The following CSMD1 variants were observed in gnomAD, a reference collection of about 807,000 sequenced individuals.
CSMD1 encodes CUB and sushi domain-containing protein 1.
A neutral mutation model predicts 417.5 loss-of-function variants in CSMD1; 213 were observed. The ratio of observed to expected loss-of-function variants is 0.51; its 90% confidence interval spans 0.46 to 0.57. CSMD1 has a LOEUF of 0.57. Ranked by LOEUF, CSMD1 falls within the 20% of genes least tolerant of loss-of-function variation. The probability of loss-of-function intolerance (pLI) is 0.00; values close to 1 mark genes in which losing one functional copy is unlikely to be tolerated. For synonymous variants in CSMD1, 2,862 were observed against 1,736.8 expected, an observed-to-expected ratio of 1.65 and a Z score of -16.11; for missense variants, 6,923 against 4,529.7, an observed-to-expected ratio of 1.53 and a Z score of -15.17.
At position 3,930,431 on chromosome 8, in the gene CSMD1, G is replaced by T. The variant is rs535188962; in HGVS notation, c.818+67472C>A. The stretch of plus-strand genomic sequence containing the variant: ...TGGTCCAAGCAAGCATTAGGTCAAA[G>T]CCTGTTCTTCTTCCTTATTTGAAGG... On this transcript the variant is annotated intron_variant, in intron 5 of 69. Transcript: ENST00000635120. Among the ~76,000 whole-genome samples the T allele has an allele frequency of 2.7e-5, 4 of 150,752 alleles. No individual in the cohort carries two copies. In the South Asian group the frequency reaches 8.5e-4, roughly 32 times the overall value.
At chr8:4,104,454 G>C (rs1011724610) in intron 3 of CSMD1, among the ~76,000 whole-genome samples, 3 of 147,488 alleles carry the variant, frequency 2.0e-5, no homozygotes, top group Admixed American at 6.7e-5. Context: ...ACACACACAG[G>C]ATATGTGCAC....
chr8:3,736,001 T>C (rs1224144820), intron 6 of CSMD1, among the ~76,000 whole-genome samples: 4 of 151,784 alleles, frequency 2.6e-5, no homozygotes, highest in Non-Finnish European at 4.4e-5. Context: ...TGGGAATAAG[T>C]GCGGTGGATT....
Position 4,611,504 on chromosome 8 carries a change from T to A in CSMD1, c.302+25838A>T, listed in dbSNP as rs117865652. On this transcript the variant is annotated intron_variant, in intron 2 of 69. Transcript: ENST00000635120. ...TCAAATTGCCTAGATATAAAACTTG[T>A]GGATAAAACTATCGCAATTTATTAA... 1.7e-3 allele frequency among the ~76,000 whole-genome samples: 259 copies of A among 152,284 alleles called. 4 individuals carry two copies. In the East Asian group the frequency reaches 0.042, roughly 25 times the overall value.
intron 26 of CSMD1, among the ~76,000 whole-genome samples, chr8:3,261,386 G>C (rs562323737): frequency 6.6e-6 from 1 of 152,278 alleles, no homozygotes; most frequent in African/African-American, 2.4e-5. Flanking sequence ...ACGTTCCCAT[G>C]ATAAAGATAA....
intron 3 of CSMD1, among the ~76,000 whole-genome samples, chr8:4,213,751 G>C (rs1175524217): frequency 6.6e-6 from 1 of 152,200 alleles, no homozygotes; most frequent in African/African-American, 2.4e-5. Context: ...GTAGAACATG[G>C]CTGAGATGGG....
chr8:3,928,431 C>A (rs1231685860), intron 5 of CSMD1, among the ~76,000 whole-genome samples: 3 of 152,146 alleles, frequency 2.0e-5, no homozygotes, highest in African/African-American at 7.2e-5. Flanking sequence ...CCTAACTTTT[C>A]AAAAACCAGT....
At chr8:4,181,396 G>T (rs747211339) in intron 3 of CSMD1, among the ~76,000 whole-genome samples, 49 of 151,650 alleles carry the variant, frequency 3.2e-4, no homozygotes, top group African/African-American at 1.2e-3. Context: ...AAACTATAAG[G>T]CAGGGTTCTC....
At chr8:3,368,140 T>C (rs1191354026) in intron 19 of CSMD1, among the ~76,000 whole-genome samples, 1 of 152,198 alleles carries the variant, frequency 6.6e-6, no homozygotes, top group Non-Finnish European at 1.5e-5. Context: ...TTATAAAACT[T>C]TGATCACTCA....
chr8:4,229,347 C>G (rs1173290311), intron 3 of CSMD1, among the ~76,000 whole-genome samples: 13 of 152,208 alleles, frequency 8.5e-5, no homozygotes. Flanking sequence ...TCTTTCTTAT[C>G]CACTTTTGTG....
chr8:3,854,561 C>A (rs564786216), intron 5 of CSMD1, among the ~76,000 whole-genome samples: 3 of 152,154 alleles, frequency 2.0e-5, no homozygotes, highest in South Asian at 2.1e-4. Flanking sequence ...GCTTACTTAG[C>A]TTTTCTATCT....
chr8:4,007,015 T>G (rs929653557), intron 4 of CSMD1, among the ~76,000 whole-genome samples: 14 of 151,900 alleles, frequency 9.2e-5, no homozygotes, highest in African/African-American at 2.2e-4. Context: ...TATGTGTGTA[T>G]TTTTAGTAGA....
At position 4,309,939 on chromosome 8, in the gene CSMD1, G is replaced by A. The variant is rs115686448; in HGVS notation, c.415+110014C>T. ...TAAGAAGCTCATTAGAAACATGATA[G>A]TCGATTATAGTTACCCCTATTTTTA... On this transcript the variant is annotated intron_variant, in intron 3 of 69. Transcript: ENST00000635120. Among the ~76,000 whole-genome samples the A allele has an allele frequency of 6.0e-3, 916 of 152,240 alleles. 8 individuals carry two copies. Among genetic ancestry groups the A allele is most frequent in the African/African-American group, 0.021 (860 of 41,542 alleles).
intron 2 of CSMD1, among the ~76,000 whole-genome samples, chr8:4,623,295 C>G (rs982583503): frequency 6.6e-6 from 1 of 152,100 alleles, no homozygotes; most frequent in Admixed American, 6.5e-5. Context: ...AAATAACACT[C>G]TACACTCATT....
chr8:3,213,386 A>G (rs35239010), intron 30 of CSMD1, among the ~76,000 whole-genome samples: 55,732 of 151,884 alleles, frequency 0.37, 10,817 homozygotes, highest in African/African-American at 0.51. Flanking sequence ...GTTTGCCTAT[A>G]GAGACCCCCA....
At chr8:2,994,040 A>G (rs1179222127) in intron 54 of CSMD1, among the ~76,000 whole-genome samples, 1 of 146,466 alleles carries the variant, frequency 6.8e-6, no homozygotes, top group East Asian at 2.1e-4. Flanking sequence ...CAGCTACTTG[A>G]GAGGTTGAGG....
chr8:4,993,907 G>A (rs1168114895), intron 1 of CSMD1, among the ~76,000 whole-genome samples: 1 of 152,082 alleles, frequency 6.6e-6, no homozygotes, highest in Non-Finnish European at 1.5e-5. Context: ...GGCTTCACCC[G>A]GGACGCTTTC....
At chr8:3,935,437 G>A (rs1007659356) in intron 5 of CSMD1, among the ~76,000 whole-genome samples, 3 of 152,230 alleles carry the variant, frequency 2.0e-5, no homozygotes, top group Admixed American at 6.5e-5. Context: ...AAAAATTGAA[G>A]TTTCCTGGCA....
At chr8:4,955,628 G>C (rs1208377175) in intron 1 of CSMD1, among the ~76,000 whole-genome samples, 2 of 152,002 alleles carry the variant, frequency 1.3e-5, no homozygotes, top group African/African-American at 4.8e-5. Flanking sequence ...GCTAATTTTT[G>C]TATTTTTAAT....
At chr8:4,409,691 C>A (rs748189633) in intron 3 of CSMD1, among the ~76,000 whole-genome samples, 2 of 146,910 alleles carry the variant, frequency 1.4e-5, no homozygotes, top group Non-Finnish European at 3.0e-5. Context: ...AGAGACAAAG[C>A]ACAGAGAAGG....
Sources: allele counts gnomAD v4.1 joint callset (sites outside exome capture counted in the v4.1 genomes callset), GRCh38; gene constraint gnomAD v4.1.1; transcripts MANE v1.5; gene names NCBI Gene and HGNC (gene_info 2026-07-23, HGNC 2026-07-21).